POMGNT2: variants seen among roughly 807,000 people sequenced by gnomAD.
POMGNT2 encodes the protein protein O-linked mannose N-acetylglucosaminyltransferase 2 (beta 1,4-), also known as protein O-linked-mannose beta-1,4-N-acetylglucosaminyltransferase 2.
Under a neutral mutation model 37.8 loss-of-function variants are expected in POMGNT2, and 32 were observed. The observed-to-expected ratio is 0.85, with a 90% CI of 0.64 to 1.14. The LOEUF is 1.14. Among genes scored for constraint, POMGNT2 ranks in the 50% most tolerant of loss-of-function variants. The pLI, the probability that POMGNT2 is intolerant of heterozygous loss-of-function variation, is 0.00. For synonymous variants in POMGNT2, 340 were observed against 336.8 expected, an observed-to-expected ratio of 1.01 and a Z score of -0.10; for missense variants, 705 against 780.6, an observed-to-expected ratio of 0.90 and a Z score of 1.15.
At chr3:43,095,163 T>C (rs1224083998) in intron 1 of POMGNT2, among the ~76,000 whole-genome samples, 1 of 152,194 alleles carries the variant, frequency 6.6e-6, no homozygotes, top group Non-Finnish European at 1.5e-5. Context: ...ACCAAGCACG[T>C]CCACCTGTGC....
chr3:43,087,081 G>A (rs753962501), intron 1 of POMGNT2, among the ~76,000 whole-genome samples: 1 of 152,126 alleles, frequency 6.6e-6, no homozygotes, highest in Non-Finnish European at 1.5e-5. Context: ...GAGCCAGCCC[G>A]GATGACCAAA....
rs1343154694 is a variant in POMGNT2, at chr3:43,080,453, T to G, written c.979A>C (p.Thr327Pro). Residue 327 changes from threonine (T) to proline (P), a missense_variant, in exon 2 of 2, where the codon ACC (threonine) becomes CCC (proline). Physicochemically the swap from Thr to Pro is conservative, Grantham distance 38. Transcript: ENST00000344697. ...KTVTVSLEDH[T>P]FADVVRLVSN... ...ACCAGCCGCACGACATCAGCAAAGG[T>G]GTGGTCCTCCAGGGACACTGTCACT... The G allele has an allele frequency of 5.6e-6, 9 of 1,614,028 alleles. No homozygotes were observed. The highest frequency in any genetic ancestry group is 7.6e-6 in the Non-Finnish European group (9 of 1,180,044).
intron 1 of POMGNT2, among the ~76,000 whole-genome samples, chr3:43,101,009 G>A (rs1470071306): frequency 6.6e-6 from 1 of 152,184 alleles, no homozygotes. Context: ...AGAAGGAGTA[G>A]GGCCACTTTA....
At chr3:43,093,799 C>T (rs187802511) in intron 1 of POMGNT2, among the ~76,000 whole-genome samples, 289 of 152,248 alleles carry the variant, frequency 1.9e-3, no homozygotes, top group Non-Finnish European at 2.0e-3. Context: ...TGGCTGCCTT[C>T]CCTTCCCTCT....
chr3:43,103,799 C>A (rs550685138), intron 1 of POMGNT2, among the ~76,000 whole-genome samples: 1 of 152,306 alleles, frequency 6.6e-6, no homozygotes, highest in Admixed American at 6.5e-5. Flanking sequence ...ATCCCTGTCA[C>A]TTAGCAGCTA....
chr3:43,095,570 G>A (rs1383838900), intron 1 of POMGNT2, among the ~76,000 whole-genome samples: 4 of 152,116 alleles, frequency 2.6e-5, no homozygotes, highest in East Asian at 1.9e-4. Context: ...AGTGCTTCTC[G>A]GCTGTCTTGC....
intron 1 of POMGNT2, among the ~76,000 whole-genome samples, chr3:43,081,885 G>A (rs1302316146): frequency 6.6e-6 from 1 of 152,252 alleles, no homozygotes; most frequent in Non-Finnish European, 1.5e-5. Context: ...TAAGAAGAAT[G>A]TATTCAGGCT....
At chr3:43,102,516 G>A (rs1001581237) in intron 1 of POMGNT2, among the ~76,000 whole-genome samples, 5 of 152,162 alleles carry the variant, frequency 3.3e-5, no homozygotes, top group Admixed American at 2.0e-4. Context: ...AGAAAAAAAG[G>A]ATGTTGGCCT....
At chr3:43,093,387 C>A (rs1232202308) in intron 1 of POMGNT2, among the ~76,000 whole-genome samples, 1 of 152,234 alleles carries the variant, frequency 6.6e-6, no homozygotes, top group African/African-American at 2.4e-5. Flanking sequence ...CCCCTCCCAA[C>A]TCCATCCTCC....
Position 43,080,223 on chromosome 3 carries a change from T to C in POMGNT2, c.1209A>G (p.Thr403=). Residue 403 remains threonine (T), a synonymous_variant, in exon 2 of 2, where the codon ACA becomes ACG. Transcript: ENST00000344697. Reference sequence around the variant, plus strand: ...CCTGATCCCAGGGCCGCTCAGGGTGTGTGACTGTGTTCTCTGGCATCATGT... The same window carrying C: ...CCTGATCCCAGGGCCGCTCAGGGTGCGTGACTGTGTTCTCTGGCATCATGT... ...WRNMMPENTV[T]HPERPWDQGG... 6.2e-7 allele frequency: 1 copy of C among 1,614,108 alleles called. No homozygotes were observed. The highest frequency in any genetic ancestry group is 8.5e-7 in the Non-Finnish European group (1 of 1,180,010).
chr3:43,081,594 A>G (rs1176887446), intron 1 of POMGNT2, 58 bp from the exon 2 acceptor site: 2 of 662,114 alleles, frequency 3.0e-6, no homozygotes, highest in Non-Finnish European at 2.5e-6. Flanking sequence ...GCATCATTAC[A>G]AGCTCCTGCT....
At position 43,092,154 on chromosome 3, in the gene POMGNT2, C is replaced by T. The variant is rs2089948760; in HGVS notation, c.-105-10618G>A. On this transcript the variant is annotated intron_variant, in intron 1 of 1. Coordinates refer to ENST00000344697, the MANE Select transcript of POMGNT2 (RefSeq NM_032806.6). ...TCCTGGTTTTGATCATTACATTGTG[C>T]TCTGTAAGATGTTATTAGTAGGGGA... Among the ~76,000 whole-genome samples the T allele has an allele frequency of 2.0e-5, 3 of 152,158 alleles. No individual in the cohort carries two copies. In the South Asian group the frequency reaches 6.3e-4, roughly 32 times the overall value.
At chr3:43,101,239 G>A (rs1049210413) in intron 1 of POMGNT2, among the ~76,000 whole-genome samples, 1 of 152,208 alleles carries the variant, frequency 6.6e-6, no homozygotes, top group African/African-American at 2.4e-5. Context: ...CAGCTGCTCA[G>A]GGACCTAGAG....
intron 1 of POMGNT2, among the ~76,000 whole-genome samples, chr3:43,097,100 C>T (rs2089985257): frequency 1.3e-5 from 2 of 152,168 alleles, no homozygotes; most frequent in Admixed American, 1.3e-4. Flanking sequence ...TTCTGGGGGC[C>T]CTGGCCAGCC....
At chr3:43,095,958 G>C (rs2089976664) in intron 1 of POMGNT2, among the ~76,000 whole-genome samples, 1 of 152,200 alleles carries the variant, frequency 6.6e-6, no homozygotes, top group African/African-American at 2.4e-5. Flanking sequence ...CCAGCTGAAA[G>C]TCATCAGGCT....
At chr3:43,100,835 T>A (rs1438069461) in intron 1 of POMGNT2, among the ~76,000 whole-genome samples, 1 of 152,212 alleles carries the variant, frequency 6.6e-6, no homozygotes, top group Non-Finnish European at 1.5e-5. Context: ...CAATGTCTGA[T>A]GTTTTCTCAT....
intron 1 of POMGNT2, among the ~76,000 whole-genome samples, chr3:43,096,682 A>T (rs2089982098): frequency 6.6e-6 from 1 of 152,226 alleles, no homozygotes; most frequent in Non-Finnish European, 1.5e-5. Flanking sequence ...ATTGGGCACC[A>T]AATTTAGAGA....
At position 43,081,235 on chromosome 3, in the gene POMGNT2, T is replaced by G; in HGVS notation, c.197A>C (p.His66Pro). ...GTGCGTGCGGCCCGTGCACACCATG[T>G]GTGTGCCGCCCTCCATCAGGATCTG... is the stretch of plus-strand genomic sequence containing the variant. ...ALQILMEGGT[H>P]MVCTGRTHTD... Residue 66 changes from histidine to proline, a missense_variant, in exon 2 of 2, where the codon CAC (histidine) becomes CCC (proline). Coordinates refer to ENST00000344697, the MANE Select transcript of POMGNT2 (RefSeq NM_032806.6). The G allele has an allele frequency of 1.2e-6, 2 of 1,613,880 alleles. No individual in the cohort carries two copies. Among genetic ancestry groups the G allele is most frequent in the Non-Finnish European group, 1.7e-6 (2 of 1,179,952 alleles).
chr3:43,088,016 ATACTCAACC>A (rs2089912005), intron 1 of POMGNT2: 1 of 152,200 alleles, frequency 6.6e-6, no homozygotes, highest in East Asian at 1.9e-4. Flanking sequence ...GTGAATGGTG[ATACTCAACC>A]ACTTTTGACT....
Sources: allele counts gnomAD v4.1 joint callset (sites outside exome capture counted in the v4.1 genomes callset), GRCh38; gene constraint gnomAD v4.1.1; transcripts MANE v1.5; gene names NCBI Gene and HGNC (gene_info 2026-07-23, HGNC 2026-07-21).